Variants in NAV3 observed in about 807,000 individuals in gnomAD.
NAV3 encodes the protein neuron navigator 3.
NAV3 carries 87 observed loss-of-function variants against 244.7 expected under a neutral mutation model. The ratio of observed to expected loss-of-function variants is 0.36; its 90% CI spans 0.30 to 0.42. NAV3 has a LOEUF of 0.42. NAV3 is among the 20% of genes least tolerant of loss of function. The probability of loss-of-function intolerance (pLI) is 1.00; values close to 1 mark genes in which losing one functional copy is unlikely to be tolerated. For synonymous variants in NAV3, 1,126 were observed against 1,042.2 expected, an observed-to-expected ratio of 1.08 and a Z score of -1.55; for missense variants, 2,663 against 2,893.3, an observed-to-expected ratio of 0.92 and a Z score of 1.83.
chr12:77,801,472 A>G lies in NAV3; in HGVS notation c.73-138847A>G, dbSNP rs189974586. The stretch of plus-strand genomic sequence containing the variant: ...AAGAGGGGAGTTTTTGTTTTTTTCC[A>G]TTATTTCAGGATTTCTGGAAATTTC... On this transcript the variant is annotated intron_variant, in intron 2 of 8. Coordinates refer to the NAV3 transcript ENST00000550042. Among the ~76,000 whole-genome samples, 7 of 151,890 alleles carry G rather than the reference A, an allele frequency of 4.6e-5. No individual in the cohort carries two copies. In the East Asian group the frequency reaches 1.4e-3, roughly 29 times the overall value.
intron 4 of NAV3, among the ~76,000 whole-genome samples, chr12:77,967,365 CT>C (rs1405124112): frequency 6.6e-6 from 1 of 152,082 alleles, no homozygotes; most frequent in Non-Finnish European, 1.5e-5. Context: ...TTAACACTCT[CT>C]CACTGTAGCC....
intron 2 of NAV3, among the ~76,000 whole-genome samples, chr12:77,730,403 AC>A (rs1428875941): frequency 4.6e-5 from 7 of 151,964 alleles, no homozygotes; most frequent in Non-Finnish European, 1.0e-4. Context: ...ACTAAAAAAA[AC>A]AATAATGTAA....
At position 78,176,496 on chromosome 12, in the gene NAV3, T is replaced by TA. The variant is rs760281700; in HGVS notation, c.5124+44dup. 88 of 1,609,696 alleles carry TA rather than the reference T, an allele frequency of 5.5e-5. No homozygotes were observed. The African/African-American group carries it at 8.3e-4, about 15-fold the overall frequency. ...CCGTGGACAATTTGGCATGCATCTA[T>TA]AAAAAAACCCTACCTTGGCATGAAT... On this transcript the variant is annotated intron_variant, in intron 26 of 39. Coordinates refer to ENST00000397909, the MANE Select transcript of NAV3 (RefSeq NM_001024383.2).
intron 2 of NAV3, among the ~76,000 whole-genome samples, chr12:77,816,260 T>A (rs1356934): frequency 6.6e-6 from 1 of 152,174 alleles, no homozygotes; most frequent in Admixed American, 6.5e-5. Flanking sequence ...TTGTTCAACA[T>A]CCTGCAGATA....
At chr12:78,129,618 T>A (rs1565695261) in intron 18 of NAV3, among the ~76,000 whole-genome samples, 1 of 152,108 alleles carries the variant, frequency 6.6e-6, no homozygotes, top group Non-Finnish European at 1.5e-5. Context: ...ATTTAATAGA[T>A]TCAATGACTT....
intron 38 of NAV3, among the ~76,000 whole-genome samples, chr12:78,201,588 C>T (rs1959712229): frequency 6.6e-6 from 1 of 152,022 alleles, no homozygotes; most frequent in Non-Finnish European, 1.5e-5. Context: ...AAAATCCCTA[C>T]TTCTCCAACA....
At chr12:78,130,409 C>G (rs1285061383) in intron 18 of NAV3, 3 of 221,982 alleles carry the variant, frequency 1.4e-5, no homozygotes, top group African/African-American at 2.3e-5. Flanking sequence ...TACTTTGTCT[C>G]CATATTCTTT....
chr12:77,859,835 A>C (rs1030822929), intron 1 of NAV3, among the ~76,000 whole-genome samples: 14 of 150,674 alleles, frequency 9.3e-5, no homozygotes, highest in Non-Finnish European at 1.5e-4. Flanking sequence ...AAATTATTTA[A>C]AATGATAATT....
intron 2 of NAV3, among the ~76,000 whole-genome samples, chr12:77,633,471 A>G (rs1335117430): frequency 6.6e-6 from 1 of 152,140 alleles, no homozygotes; most frequent in Non-Finnish European, 1.5e-5. Flanking sequence ...TTCCCTTAAA[A>G]TGAACATTCC....
At chr12:77,743,857 T>A (rs1465029) in intron 2 of NAV3, among the ~76,000 whole-genome samples, 71,159 of 151,440 alleles carry the variant, frequency 0.47, 17,213 homozygotes, top group East Asian at 0.81. Flanking sequence ...ATATTTCTAA[T>A]ACACTGTTTG....
chr12:78,061,191 C>T (rs1313772314), intron 12 of NAV3, among the ~76,000 whole-genome samples: 26 of 152,108 alleles, frequency 1.7e-4, no homozygotes, highest in Admixed American at 1.6e-3. Context: ...CTTTAACTAG[C>T]CCTCAAGGTG....
chr12:77,689,881 C>T (rs892597924), intron 2 of NAV3, among the ~76,000 whole-genome samples: 1 of 151,552 alleles, frequency 6.6e-6, no homozygotes, highest in Non-Finnish European at 1.5e-5. Context: ...GTAATTATTG[C>T]AAAGTCAGCA....
At chr12:77,878,745 C>T (rs1276180383) in intron 1 of NAV3, among the ~76,000 whole-genome samples, 2 of 149,498 alleles carry the variant, frequency 1.3e-5, no homozygotes, top group Admixed American at 1.3e-4. Context: ...GCCAGGTGAG[C>T]TTAGACATGT....
At chr12:78,198,958 A>G (rs1264537438) in intron 36 of NAV3, 1 of 434,616 alleles carries the variant, frequency 2.3e-6, no homozygotes. Context: ...AAAGTAAAGT[A>G]GATGTTTTTT....
At chr12:78,043,356 A>G (rs1056805343) in intron 9 of NAV3, among the ~76,000 whole-genome samples, 4 of 152,094 alleles carry the variant, frequency 2.6e-5, no homozygotes, top group African/African-American at 9.7e-5. Context: ...GTTGGTTCCA[A>G]GTCTTTGCTA....
chr12:77,964,501 TAAAG>T (rs1892342541), intron 3 of NAV3, among the ~76,000 whole-genome samples: 1 of 152,200 alleles, frequency 6.6e-6, no homozygotes, highest in African/African-American at 2.4e-5. Context: ...TAATGGATCT[TAAAG>T]AAATACATTT....
chr12:77,699,209 A>T (rs1324118414), intron 2 of NAV3, among the ~76,000 whole-genome samples: 1 of 152,086 alleles, frequency 6.6e-6, no homozygotes, highest in Non-Finnish European at 1.5e-5. Flanking sequence ...GATAACTAAC[A>T]GGGTTGTCTG....
intron 20 of NAV3, among the ~76,000 whole-genome samples, chr12:78,144,251 G>A (rs1022238339): frequency 3.3e-5 from 5 of 151,856 alleles, no homozygotes; most frequent in African/African-American, 7.3e-5. Flanking sequence ...TAATACTAAC[G>A]TCATAACTTT....
intron 2 of NAV3, among the ~76,000 whole-genome samples, chr12:77,584,666 A>T (rs1228282052): frequency 6.6e-6 from 1 of 152,234 alleles, no homozygotes; most frequent in East Asian, 1.9e-4. Flanking sequence ...AATTTCCATT[A>T]CAAATTACCT....
Sources: gnomAD v4.1 joint callset for allele counts (sites outside exome capture counted in the v4.1 genomes callset) on GRCh38, gnomAD v4.1.1 for gene constraint, MANE v1.5 for transcripts, NCBI Gene and HGNC (gene_info 2026-07-23, HGNC 2026-07-21) for gene names.